The following COMMD9 variants were observed in gnomAD, a reference collection of about 807,000 sequenced individuals.
COMMD9 encodes COMM domain-containing protein 9.
COMMD9 carries 22 observed loss-of-function variants against 23.4 expected under a neutral mutation model. The ratio of observed to expected loss-of-function variants is 0.94; its 90% CI spans 0.67 to 1.34. COMMD9 has a LOEUF of 1.34. Ranked by LOEUF, COMMD9 falls within the 40% of genes most tolerant of loss-of-function variation. The pLI is 0.00. For missense variants in COMMD9, 231 were observed against 240.2 expected, an observed-to-expected ratio of 0.96 and a Z score of 0.25; for synonymous variants, 99 against 97.4, an observed-to-expected ratio of 1.02 and a Z score of -0.10.
chr11:36,288,429 C>A (rs755919867), intron 1 of COMMD9, among the ~76,000 whole-genome samples: 1 of 151,226 alleles, frequency 6.6e-6, no homozygotes, highest in South Asian at 2.1e-4. Flanking sequence ...ATGAGACAGA[C>A]GGACAACGGG....
chr11:36,280,841 T>C lies in COMMD9; in HGVS notation c.52-4A>G. 6.4e-7 allele frequency: 1 copy of C among 1,558,372 alleles called. No homozygotes were observed. The highest frequency in any genetic ancestry group is 8.7e-7 in the Non-Finnish European group (1 of 1,152,760). ...TGACAACATCTTTCGAGGAGGCCTATGAATTAAATCACAGATAGGAAAAAA... is the reference window on the plus strand; with the variant it reads ...TGACAACATCTTTCGAGGAGGCCTACGAATTAAATCACAGATAGGAAAAAA... On this transcript the variant is annotated splice_polypyrimidine_tract_variant and splice_region_variant and intron_variant, in intron 1 of 5. Transcript: ENST00000263401.
At chr11:36,278,683 CA>C (rs1289130239) in intron 2 of COMMD9, 67 bp from the exon 3 acceptor site, 2 of 1,537,990 alleles carry the variant, frequency 1.3e-6, no homozygotes, top group East Asian at 4.6e-5. Context: ...AAGGCAGGGC[CA>C]GGGGCAGGGC....
At chr11:36,284,969 C>G (rs1259056323) in intron 1 of COMMD9, among the ~76,000 whole-genome samples, 1 of 152,066 alleles carries the variant, frequency 6.6e-6, no homozygotes, top group Non-Finnish European at 1.5e-5. Flanking sequence ...CCTCAAGAAC[C>G]TATAAACAGG....
intron 4 of COMMD9, 160 bp downstream of exon 4, chr11:36,276,929 A>G (rs191577004): frequency 2.2e-6 from 1 of 453,178 alleles, no homozygotes; most frequent in Non-Finnish European, 3.8e-6. Flanking sequence ...GAAAAAAGTT[A>G]AAAAGTAGAA....
intron 1 of COMMD9, among the ~76,000 whole-genome samples, chr11:36,281,211 A>G (rs1035049087): frequency 2.0e-5 from 3 of 152,202 alleles, no homozygotes; most frequent in Non-Finnish European, 2.9e-5. Context: ...CAGAGGGGGG[A>G]AAAACGCTAC....
Position 36,274,250 on chromosome 11 carries a change from A to G in COMMD9, c.*382T>C. ...CTGGGATTGGAAATGAACTAATTAG[A>G]GCTAATGTTGGAAATAAACTTACTT... is the stretch of plus-strand genomic sequence containing the variant. On this transcript the variant is annotated 3_prime_UTR_variant, in exon 6 of 6. Coordinates refer to ENST00000263401, the MANE Select transcript of COMMD9 (RefSeq NM_014186.4). 1 of 468,464 alleles carries G rather than the reference A, an allele frequency of 2.1e-6. No individual in the cohort carries two copies. The highest frequency in any genetic ancestry group is 4.2e-6 in the Non-Finnish European group (1 of 235,532). 29.0% of individuals were successfully genotyped at this position (468,464 alleles called of 1,614,324 possible).
At chr11:36,282,767 G>C (rs1856088241) in intron 1 of COMMD9, among the ~76,000 whole-genome samples, 1 of 152,206 alleles carries the variant, frequency 6.6e-6, no homozygotes, top group Non-Finnish European at 1.5e-5. Flanking sequence ...ATTTATTAGG[G>C]GGAAATGGGT....
chr11:36,280,616 T>G (rs1337968996), intron 2 of COMMD9, 96 bp downstream of exon 2: 58 of 1,274,192 alleles, frequency 4.6e-5, no homozygotes, highest in Non-Finnish European at 6.1e-5. Flanking sequence ...AACAGATGTT[T>G]CAAGGGATTT....
intron 1 of COMMD9, among the ~76,000 whole-genome samples, chr11:36,287,778 A>G (rs1443091164): frequency 6.6e-6 from 1 of 152,166 alleles, no homozygotes; most frequent in Admixed American, 6.5e-5. Context: ...GAATTGTATC[A>G]GAAGCAAACA....
At chr11:36,289,238 C>G in intron 1 of COMMD9, 124 bp downstream of exon 1, 1 of 846,102 alleles carries the variant, frequency 1.2e-6, no homozygotes, top group Non-Finnish European at 1.8e-6. Context: ...TGCCTGGGAT[C>G]ACACAGAGAA....
chr11:36,276,263 C>T (rs1855971403), intron 4 of COMMD9, 23 bp from the exon 5 acceptor site: 1 of 1,539,520 alleles, frequency 6.5e-7, no homozygotes, highest in Non-Finnish European at 9.0e-7. Flanking sequence ...CAGCTCAGCT[C>T]AATGCTCATG....
intron 2 of COMMD9, 151 bp from the exon 3 acceptor site, chr11:36,278,767 T>C (rs2133427032): frequency 1.4e-6 from 1 of 721,102 alleles, no homozygotes; most frequent in Non-Finnish European, 2.2e-6. Context: ...CTGTGGCACA[T>C]GCTCATGCCC....
At position 36,274,572 on chromosome 11, in the gene COMMD9, G is replaced by A. The variant is rs1855936625; in HGVS notation, c.*60C>T. 1.2e-6 allele frequency: 2 copies of A among 1,603,932 alleles called. No homozygotes were observed. The highest frequency in any genetic ancestry group is 4.5e-5 in the East Asian group (2 of 44,762). The stretch of plus-strand genomic sequence containing the variant: ...AGCTGCAAGGGCAGCCTGCATATGG[G>A]GAGACATTTATCACTCATGAGCAGC... On this transcript the variant is annotated 3_prime_UTR_variant, in exon 6 of 6. Transcript: ENST00000263401.
chr11:36,286,410 A>AAAAAAAAAAAAAAAAAAAAAAAAG (rs1285648187), intron 1 of COMMD9, among the ~76,000 whole-genome samples: 1 of 104,824 alleles, frequency 9.5e-6, no homozygotes, highest in Non-Finnish European at 1.8e-5. Context: ...AAAAAAAAAA[A>AAAAAAAAAAAAAAAAAAAAAAAAG]AAAGAAAGAA....
intron 5 of COMMD9, among the ~76,000 whole-genome samples, 173 bp from the exon 6 acceptor site, chr11:36,274,945 C>T (rs1855946049): frequency 6.6e-6 from 1 of 152,210 alleles, no homozygotes. Context: ...AGGGAGAGTA[C>T]AGGAGATACC....
intron 2 of COMMD9, among the ~76,000 whole-genome samples, chr11:36,279,453 C>T (rs538343951): frequency 1.3e-5 from 2 of 152,318 alleles, no homozygotes; most frequent in East Asian, 3.9e-4. Flanking sequence ...GATATCACTG[C>T]AGATTACCTG....
At chr11:36,284,087 C>G (rs1375568174) in intron 1 of COMMD9, among the ~76,000 whole-genome samples, 1 of 148,144 alleles carries the variant, frequency 6.8e-6, no homozygotes, top group African/African-American at 2.5e-5. Context: ...GCCTGGGTGA[C>G]AGAGCGAGAC....
chr11:36,275,601 G>A (rs568111545), intron 5 of COMMD9, among the ~76,000 whole-genome samples: 29 of 152,122 alleles, frequency 1.9e-4, no homozygotes, highest in Admixed American at 3.3e-4. Context: ...CCGCCACCAC[G>A]CCCGGCTTAT....
intron 1 of COMMD9, among the ~76,000 whole-genome samples, chr11:36,283,899 G>A (rs1453440288): frequency 6.6e-6 from 1 of 152,102 alleles, no homozygotes; most frequent in African/African-American, 2.4e-5. Flanking sequence ...GAGCCCAAAC[G>A]TTTAAGACCA....
Sources: gnomAD v4.1 joint callset for allele counts (sites outside exome capture counted in the v4.1 genomes callset) on GRCh38, gnomAD v4.1.1 for gene constraint, MANE v1.5 for transcripts, NCBI Gene and HGNC (gene_info 2026-07-23, HGNC 2026-07-21) for gene names.